PPM1E: variants seen among roughly 807,000 people sequenced by gnomAD.
PPM1E encodes the protein protein phosphatase, Mg2+/Mn2+ dependent 1E, also known as protein phosphatase 1E.
Under a neutral mutation model 65.9 loss-of-function variants are expected in PPM1E, and 20 were observed. The ratio of observed to expected loss-of-function variants is 0.30; its 90% confidence interval spans 0.21 to 0.44. PPM1E has a LOEUF of 0.44. PPM1E is among the 20% of genes least tolerant of loss of function. The probability of loss-of-function intolerance (pLI) is 1.00; values close to 1 mark genes in which losing one functional copy is unlikely to be tolerated. For synonymous variants in PPM1E, 352 were observed against 374.9 expected, an observed-to-expected ratio of 0.94 and a Z score of 0.70; for missense variants, 713 against 953.1, an observed-to-expected ratio of 0.75 and a Z score of 3.32.
chr17:58,966,139 A>C, intron 3 of PPM1E: 1 of 511,536 alleles, frequency 2.0e-6, no homozygotes, highest in Non-Finnish European at 3.5e-6. Context: ...CTTGCCTCCC[A>C]GGTACTCAGT....
chr17:58,969,395 A>G, intron 3 of PPM1E, 144 bp from the exon 4 acceptor site: 6 of 810,282 alleles, frequency 7.4e-6, no homozygotes, highest in Non-Finnish European at 1.1e-5. Context: ...CAGGCATGTT[A>G]GAGAAGGAAA....
intron 1 of PPM1E, among the ~76,000 whole-genome samples, chr17:58,947,534 G>C (rs1427606283): frequency 6.7e-6 from 1 of 148,200 alleles, no homozygotes. Flanking sequence ...ACTGCACCTG[G>C]CCTTTTTTTT....
intron 1 of PPM1E, among the ~76,000 whole-genome samples, chr17:58,862,401 T>G (rs1192246998): frequency 6.6e-6 from 1 of 152,206 alleles, no homozygotes; most frequent in East Asian, 1.9e-4. Context: ...GTAAGATGAG[T>G]ACCCCTGTTG....
chr17:58,892,878 T>C (rs889573243), intron 1 of PPM1E, among the ~76,000 whole-genome samples: 1 of 152,220 alleles, frequency 6.6e-6, no homozygotes, highest in African/African-American at 2.4e-5. Context: ...AACATCGATA[T>C]GTGTTAGCAA....
At chr17:58,847,998 T>G (rs2050788737) in intron 1 of PPM1E, among the ~76,000 whole-genome samples, 1 of 152,146 alleles carries the variant, frequency 6.6e-6, no homozygotes, top group Admixed American at 6.6e-5. Flanking sequence ...TCCCTTGTAA[T>G]TGGATTTCCA....
intron 1 of PPM1E, among the ~76,000 whole-genome samples, chr17:58,950,526 C>T (rs953648939): frequency 3.9e-5 from 6 of 152,138 alleles, no homozygotes; most frequent in Admixed American, 2.6e-4. Flanking sequence ...TACACCATCT[C>T]TCTTTTCTTC....
rs2051245286 is a variant in PPM1E at position 58,884,676 on chromosome 17, G to A, written c.465-70973G>A. 2.0e-5 allele frequency among the ~76,000 whole-genome samples: 3 copies of A among 152,058 alleles called. No individual in the cohort carries two copies. In the South Asian group the frequency reaches 6.2e-4, roughly 31 times the overall value. On this transcript the variant is annotated intron_variant, in intron 1 of 6. Transcript: ENST00000308249. ...TGAGTTATAGCACCAGACTGCTTGG[G>A]TTTGAACTCTGAGTCTGCCACTTAC...
intron 1 of PPM1E, among the ~76,000 whole-genome samples, chr17:58,799,284 G>A (rs1306442224): frequency 1.3e-5 from 2 of 151,710 alleles, no homozygotes; most frequent in Admixed American, 1.3e-4. Flanking sequence ...TTCACATTAA[G>A]TCTTTTTTTT....
At chr17:58,937,892 A>AAAAAAAGAAAG (rs57965915) in intron 1 of PPM1E, among the ~76,000 whole-genome samples, 7 of 129,774 alleles carry the variant, frequency 5.4e-5, no homozygotes, top group Non-Finnish European at 1.1e-4. Flanking sequence ...AAAAAAAAAA[A>AAAAAAAGAAAG]AAAGAAAGAA....
At chr17:58,968,230 T>C (rs1465492045) in intron 3 of PPM1E, among the ~76,000 whole-genome samples, 1 of 152,210 alleles carries the variant, frequency 6.6e-6, no homozygotes, top group Non-Finnish European at 1.5e-5. Flanking sequence ...GACATTTATA[T>C]TTGATACTTT....
At chr17:58,869,955 A>G (rs1214557103) in intron 1 of PPM1E, among the ~76,000 whole-genome samples, 2 of 152,252 alleles carry the variant, frequency 1.3e-5, no homozygotes, top group African/African-American at 2.4e-5. Flanking sequence ...TTGAATGTTT[A>G]ATTCAAATTC....
chr17:58,891,624 G>T (rs1294926747), intron 1 of PPM1E, among the ~76,000 whole-genome samples: 1 of 151,922 alleles, frequency 6.6e-6, no homozygotes, highest in Non-Finnish European at 1.5e-5. Flanking sequence ...CGCCTGGCTG[G>T]ATATATATCA....
intron 1 of PPM1E, among the ~76,000 whole-genome samples, chr17:58,843,995 A>G (rs544300509): frequency 2.6e-5 from 4 of 152,350 alleles, no homozygotes; most frequent in East Asian, 1.9e-4. Flanking sequence ...TAGGCAGAGC[A>G]TTATAGTTTT....
chr17:58,789,056 G>A (rs1271510058), intron 1 of PPM1E, among the ~76,000 whole-genome samples: 1 of 152,112 alleles, frequency 6.6e-6, no homozygotes, highest in Admixed American at 6.6e-5. Context: ...TCACAAAATG[G>A]ACTATCAAGC....
intron 3 of PPM1E, among the ~76,000 whole-genome samples, chr17:58,967,500 A>ATG (rs934293887): frequency 1.4e-4 from 21 of 150,042 alleles, no homozygotes; most frequent in Non-Finnish European, 2.8e-4. Context: ...ATTTATATAT[A>ATG]TGTGTATATA....
At chr17:58,935,119 C>T (rs1218748669) in intron 1 of PPM1E, among the ~76,000 whole-genome samples, 1 of 140,006 alleles carries the variant, frequency 7.1e-6, no homozygotes, top group Non-Finnish European at 1.6e-5. Context: ...GGCGCAGTGG[C>T]GGGTGCCTGT....
chr17:58,911,655 T>C (rs1417053622), intron 1 of PPM1E, among the ~76,000 whole-genome samples: 1 of 152,188 alleles, frequency 6.6e-6, no homozygotes, highest in Admixed American at 6.6e-5. Context: ...CGTTTTTCTT[T>C]TGTACGTTTT....
intron 3 of PPM1E, among the ~76,000 whole-genome samples, chr17:58,967,525 G>T (rs555291787): frequency 0.014 from 2,018 of 148,720 alleles, 25 homozygotes; most frequent in South Asian, 0.036. Context: ...TATATAGAGA[G>T]AGAGAGAGAG....
intron 1 of PPM1E, among the ~76,000 whole-genome samples, chr17:58,838,399 A>G (rs1241550030): frequency 6.6e-6 from 1 of 152,224 alleles, no homozygotes; most frequent in African/African-American, 2.4e-5. Flanking sequence ...AATAAAGAAA[A>G]TGTAGAGACA....
Sources: allele counts gnomAD v4.1 joint callset (sites outside exome capture counted in the v4.1 genomes callset), GRCh38; gene constraint gnomAD v4.1.1; transcripts MANE v1.5; gene names NCBI Gene and HGNC (gene_info 2026-07-23, HGNC 2026-07-21).